OSBPL6: variants seen among roughly 807,000 people sequenced by gnomAD.
OSBPL6 encodes oxysterol binding protein like 6.
Under a neutral mutation model 125.8 loss-of-function variants are expected in OSBPL6, and 49 were observed. That is an observed-to-expected ratio of 0.39 (90% CI 0.31 to 0.49). The LOEUF (loss-of-function observed/expected upper bound fraction) is 0.49, where lower values mean the gene tolerates loss of function less well. OSBPL6 is among the 20% of genes least tolerant of loss of function. OSBPL6 has a pLI of 0.88. For synonymous variants in OSBPL6, 394 were observed against 391.8 expected, an observed-to-expected ratio of 1.01 and a Z score of -0.07; for missense variants, 986 against 1,135.4, an observed-to-expected ratio of 0.87 and a Z score of 1.89.
chr2:178,355,791 G>T (rs1691726370), intron 12 of OSBPL6, among the ~76,000 whole-genome samples: 1 of 152,166 alleles, frequency 6.6e-6, no homozygotes, highest in African/African-American at 2.4e-5. Context: ...CAAAAAAAGA[G>T]AATTTTAGAC....
intron 8 of OSBPL6, among the ~76,000 whole-genome samples, chr2:178,333,444 C>T (rs932025932): frequency 2.0e-5 from 3 of 152,048 alleles, no homozygotes; most frequent in Non-Finnish European, 4.4e-5. Flanking sequence ...AACTGAGTCT[C>T]ATTTGGGAAA....
intron 1 of OSBPL6, among the ~76,000 whole-genome samples, chr2:178,252,934 A>G (rs567355694): frequency 1.3e-5 from 2 of 152,234 alleles, no homozygotes; most frequent in East Asian, 3.9e-4. Context: ...ATAAGGGACC[A>G]CTGTTTTCTC....
At chr2:178,309,536 A>G (rs377231237) in intron 3 of OSBPL6, among the ~76,000 whole-genome samples, 1 of 152,246 alleles carries the variant, frequency 6.6e-6, no homozygotes. Flanking sequence ...ACTACATTAG[A>G]TAGCATAATT....
chr2:178,387,126 G>C lies in OSBPL6; in HGVS notation c.2143G>C (p.Val715Leu). Residue 715 changes from valine (V) to leucine (L), a missense_variant, in exon 20 of 25, where the codon GTC becomes CTC. This residue lies in a region of OSBPL6 where 843 missense variants were observed against 997.3 expected (regional missense o/e 0.85). Coordinates refer to ENST00000190611, the MANE Select transcript of OSBPL6 (RefSeq NM_032523.4). ...AATCCTGCCTGTTGGAACACTGAAT[G>C]TCATGCTTCCAAAGTAGGTGACTCA... ...MEILPVGTLN[V>L]MLPKYGDYYV... 6.2e-7 allele frequency: 1 copy of C among 1,611,086 alleles called. No homozygotes were observed. Among genetic ancestry groups the C allele is most frequent in the African/African-American group, 1.3e-5 (1 of 74,960 alleles).
intron 1 of OSBPL6, among the ~76,000 whole-genome samples, chr2:178,251,190 G>A (rs1287942753): frequency 6.6e-6 from 1 of 152,112 alleles, no homozygotes; most frequent in East Asian, 1.9e-4. Context: ...AGAATCAAAG[G>A]AGGGTAGGAA....
At chr2:178,265,357 G>A (rs991879804) in intron 1 of OSBPL6, among the ~76,000 whole-genome samples, 1 of 151,352 alleles carries the variant, frequency 6.6e-6, no homozygotes, top group African/African-American at 2.4e-5. Flanking sequence ...AAACACAGGT[G>A]TGTGCTACCA....
chr2:178,285,212 G>C, intron 2 of OSBPL6, 91 bp downstream of exon 2: 1 of 395,920 alleles, frequency 2.5e-6, no homozygotes. Flanking sequence ...ACACCACAAA[G>C]TCACAGGAAG....
At chr2:178,373,773 T>C in intron 14 of OSBPL6, 117 bp from the exon 15 acceptor site, 1 of 1,282,744 alleles carries the variant, frequency 7.8e-7, no homozygotes, top group Non-Finnish European at 1.1e-6. Context: ...TGAAAATTGC[T>C]TGTGGCTGCC....
intron 2 of OSBPL6, among the ~76,000 whole-genome samples, chr2:178,296,421 T>C (rs571121213): frequency 6.6e-6 from 1 of 152,214 alleles, no homozygotes; most frequent in East Asian, 1.9e-4. Flanking sequence ...TGGGACTGGC[T>C]TCAAACCCAG....
intron 11 of OSBPL6, among the ~76,000 whole-genome samples, chr2:178,345,059 A>G (rs1487696174): frequency 6.6e-6 from 1 of 152,202 alleles, no homozygotes; most frequent in African/African-American, 2.4e-5. Flanking sequence ...AGGCAAATGG[A>G]TAGTGAGTGA....
chr2:178,385,409 G>A lies in OSBPL6; in HGVS notation c.2014-49G>A, dbSNP rs2276618. On this transcript the variant is annotated intron_variant, in intron 18 of 24. Coordinates refer to ENST00000190611, the MANE Select transcript of OSBPL6 (RefSeq NM_032523.4). Reference sequence around the variant, plus strand: ...TTCAGTAAGAGAAATGGATGACCATGTGGAAGTCTTAACACTGATACTGCC... The same window carrying A: ...TTCAGTAAGAGAAATGGATGACCATATGGAAGTCTTAACACTGATACTGCC... 1.9e-3 allele frequency: 2,464 copies of A among 1,305,520 alleles called. 18 individuals are homozygous for A. The highest frequency in any genetic ancestry group is 7.7e-3 in the East Asian group (335 of 43,332). The allele number at this position is 1,305,520 out of a possible 1,614,324, so 80.9% of individuals were successfully genotyped here. A position where few individuals can be genotyped will look rare whatever the true frequency, so the allele number is the denominator to read the frequency against.
chr2:178,304,521 T>C (rs1186660595), intron 2 of OSBPL6, among the ~76,000 whole-genome samples: 1 of 152,114 alleles, frequency 6.6e-6, no homozygotes, highest in Non-Finnish European at 1.5e-5. Context: ...CCATGACATA[T>C]GGGGATTATG....
chr2:178,372,299 T>G (rs985020051), intron 14 of OSBPL6, 66 bp downstream of exon 14: 21 of 1,174,318 alleles, frequency 1.8e-5, no homozygotes, highest in Middle Eastern at 2.1e-4. Flanking sequence ...TGCATATTTT[T>G]GTTTATTTAT....
rs549204345 is a variant in OSBPL6, at chr2:178,402,650, C to T, written c.*7091C>T. On this transcript the variant is annotated 3_prime_UTR_variant, in exon 25 of 25. Coordinates refer to ENST00000190611, the MANE Select transcript of OSBPL6 (RefSeq NM_032523.4). Reference sequence around the variant, plus strand: ...ATGAAGACAGTAGTTATGTACTGTTCGTTTGCATACGGTCATTTTGAGATA... The same window carrying T: ...ATGAAGACAGTAGTTATGTACTGTTTGTTTGCATACGGTCATTTTGAGATA... The T allele has an allele frequency of 3.3e-5, 5 of 152,212 alleles. No homozygotes were observed. The highest frequency in any genetic ancestry group is 9.6e-5 in the African/African-American group (4 of 41,528). 9.4% of individuals were successfully genotyped at this position (152,212 alleles called of 1,614,324 possible).
At chr2:178,275,463 G>A (rs1365807993) in intron 1 of OSBPL6, among the ~76,000 whole-genome samples, 1 of 152,116 alleles carries the variant, frequency 6.6e-6, no homozygotes, top group Non-Finnish European at 1.5e-5. Context: ...AGTGAGCCAA[G>A]ATTGCACCAC....
At chr2:178,305,726 G>T (rs1686701685) in intron 2 of OSBPL6, among the ~76,000 whole-genome samples, 1 of 152,180 alleles carries the variant, frequency 6.6e-6, no homozygotes, top group Non-Finnish European at 1.5e-5. Context: ...GGAGAATCTG[G>T]CGTCTTTAGC....
intron 1 of OSBPL6, among the ~76,000 whole-genome samples, chr2:178,275,061 A>G (rs1011642620): frequency 6.6e-6 from 1 of 152,200 alleles, no homozygotes; most frequent in Non-Finnish European, 1.5e-5. Flanking sequence ...AAGAAAGATA[A>G]CTCCGATGAC....
chr2:178,297,700 T>C (rs1670302334), intron 2 of OSBPL6, among the ~76,000 whole-genome samples: 1 of 152,208 alleles, frequency 6.6e-6, no homozygotes, highest in African/African-American at 2.4e-5. Flanking sequence ...TATGTGTATG[T>C]ATAGAAGAAA....
rs563302191 is a variant in OSBPL6, at chr2:178,288,798, G to A, written c.-156+3677G>A. ...CAAGTAGTTGGGATTACAGGCGCCC[G>A]CCACCACGCCCAGCTAATTTTTTAT... On this transcript the variant is annotated intron_variant, in intron 2 of 24. Coordinates refer to ENST00000190611, the MANE Select transcript of OSBPL6 (RefSeq NM_032523.4). 3.5e-3 allele frequency among the ~76,000 whole-genome samples: 535 copies of A among 151,780 alleles called. 3 individuals carry two copies. Among genetic ancestry groups the A allele is most frequent in the African/African-American group, 0.013 (522 of 41,418 alleles).
Sources: gnomAD v4.1 joint callset for allele counts (sites outside exome capture counted in the v4.1 genomes callset) on GRCh38, gnomAD v4.1.1 for gene constraint, gnomAD v4.1.1 regional missense constraint, MANE v1.5 for transcripts, NCBI Gene and HGNC (gene_info 2026-07-23, HGNC 2026-07-21) for gene names.